ILRUN: variants seen among roughly 807,000 people sequenced by gnomAD.
The protein encoded by ILRUN is inflammation and lipid regulator with UBA-like and NBR1-like domains.
Under a neutral mutation model 33.8 loss-of-function variants are expected in ILRUN, and 3 were observed. The ratio of observed to expected loss-of-function variants is 0.09; its 90% CI spans 0.04 to 0.23. The LOEUF is 0.23. Ranked by LOEUF, ILRUN falls within the 10% of genes least tolerant of loss-of-function variation. ILRUN has a pLI of 1.00. For synonymous variants in ILRUN, 124 were observed against 138.9 expected, an observed-to-expected ratio of 0.89 and a Z score of 0.75; for missense variants, 210 against 375.1, an observed-to-expected ratio of 0.56 and a Z score of 3.64.
intron 4 of ILRUN, among the ~76,000 whole-genome samples, chr6:34,594,673 G>C (rs181315150): frequency 2.6e-5 from 4 of 152,302 alleles, no homozygotes; most frequent in Non-Finnish European, 2.9e-5. Flanking sequence ...CCTGGCTAGA[G>C]AGCAGGCAAG....
chr6:34,635,338 T>C (rs1324591149), intron 3 of ILRUN, among the ~76,000 whole-genome samples: 4 of 152,024 alleles, frequency 2.6e-5, no homozygotes, highest in South Asian at 4.1e-4. Flanking sequence ...GAGACCACCC[T>C]GGGCAACATA....
chr6:34,589,798 T>G lies in ILRUN; in HGVS notation c.*767A>C, dbSNP rs751192784. On this transcript the variant is annotated 3_prime_UTR_variant, in exon 5 of 5. Transcript: ENST00000374023. ...AAGGACACCTCTCAGGCTTAGAAAA[T>G]CCCACGTCACCCGAGATCTATCCTC... The G allele has an allele frequency of 6.6e-6, 1 of 152,030 alleles. No homozygotes were observed. Among genetic ancestry groups the G allele is most frequent in the Non-Finnish European group, 1.5e-5 (1 of 68,010 alleles). The allele number at this position is 152,030 out of a possible 1,614,324, so 9.4% of individuals were successfully genotyped here.
At chr6:34,687,285 T>C (rs191451688) in intron 1 of ILRUN, among the ~76,000 whole-genome samples, 17 of 152,210 alleles carry the variant, frequency 1.1e-4, no homozygotes, top group African/African-American at 1.9e-4. Flanking sequence ...AAAGAAGATA[T>C]ACAAATGGCC....
In ILRUN at chr6:34,612,400, G is replaced by A. The variant is rs1302653181; in HGVS notation, c.512-5496C>T. Among the ~76,000 whole-genome samples, 11 of 152,178 alleles carry A rather than the reference G, an allele frequency of 7.2e-5. No individual in the cohort carries two copies. In the East Asian group the frequency reaches 2.1e-3, roughly 29 times the overall value. On this transcript the variant is annotated intron_variant, in intron 3 of 4. Transcript: ENST00000374023. ...ACTGTGCTTCAGCCTGGGCAACAGT[G>A]AGACCCTGTCTCAAAAAATAATAAT...
At chr6:34,663,583 A>ATCC (rs930816272) in intron 1 of ILRUN, among the ~76,000 whole-genome samples, 1 of 152,112 alleles carries the variant, frequency 6.6e-6, no homozygotes, top group African/African-American at 2.4e-5. Context: ...ACTCCAAGCA[A>ATCC]TCCTCCTGCC....
intron 3 of ILRUN, among the ~76,000 whole-genome samples, chr6:34,620,403 G>C (rs577075493): frequency 2.8e-4 from 42 of 152,298 alleles, no homozygotes; most frequent in African/African-American, 8.9e-4. Context: ...TGCCCTGTTG[G>C]AAGTTGGAGT....
rs754063749 is a variant in ILRUN at position 34,646,627 on chromosome 6, C to G, written c.485G>C (p.Cys162Ser). 31 of 1,613,964 alleles carry G rather than the reference C, an allele frequency of 1.9e-5. No individual in the cohort carries two copies. Among genetic ancestry groups the G allele is most frequent in the Admixed American group, 5.0e-5 (3 of 59,996 alleles). The change falls in exon 3 of 5, where the codon TGC becomes TCC. Residue 162 changes from cysteine to serine, a missense_variant. Physicochemically the swap from Cys to Ser is moderately radical, Grantham distance 112. Transcript: ENST00000374023. The surrounding 1 kb of genome is among the most constrained non-coding windows in gnomAD (Gnocchi z 4.9). The stretch of plus-strand genomic sequence containing the variant: ...TCCATAGTAGAGTCCTGTAGCAGTG[C>G]ACATCCGCCACTGTCCCTGATACAT... ...AGMYQGQWRM[C>S]TATGLYYGDV...
At chr6:34,653,194 A>G (rs1288933430) in intron 2 of ILRUN, among the ~76,000 whole-genome samples, 2 of 151,364 alleles carry the variant, frequency 1.3e-5, no homozygotes, top group Non-Finnish European at 2.9e-5. Context: ...ACACATAGAC[A>G]CTATTTTCAA....
Position 34,592,223 on chromosome 6 carries a change from G to A in ILRUN, c.862-1623C>T, listed in dbSNP as rs1030496703. ...CCAATACCAATGGGGCATCCACTAC[G>A]TGCCAGGTGCTGCAGTAGCACCTAA... On this transcript the variant is annotated intron_variant, in intron 4 of 4. Transcript: ENST00000374023. This position sits in a 1 kb window ranked among gnomAD's most constrained non-coding sequence, Gnocchi z 4.0. Among the ~76,000 whole-genome samples the A allele has an allele frequency of 3.3e-5, 5 of 152,246 alleles. No homozygotes were observed. The highest frequency in any genetic ancestry group is 5.9e-5 in the Non-Finnish European group (4 of 68,046).
chr6:34,655,613 T>C (rs1032726756), intron 1 of ILRUN, among the ~76,000 whole-genome samples: 2 of 152,204 alleles, frequency 1.3e-5, no homozygotes, highest in African/African-American at 4.8e-5. Context: ...AGTGGACTTT[T>C]GAGTTTGTTT....
chr6:34,679,966 G>C (rs1763325371), intron 1 of ILRUN, among the ~76,000 whole-genome samples: 1 of 152,240 alleles, frequency 6.6e-6, no homozygotes, highest in African/African-American at 2.4e-5. Context: ...TCATGGACCT[G>C]CTAACACCCT....
intron 2 of ILRUN, among the ~76,000 whole-genome samples, chr6:34,654,247 C>T (rs1762728135): frequency 6.6e-6 from 1 of 151,662 alleles, no homozygotes; most frequent in South Asian, 2.1e-4. Context: ...GATACACCTC[C>T]TCTAGCCTGC....
At chr6:34,606,468 C>CTTTA in intron 4 of ILRUN, 87 bp downstream of exon 4, 1 of 1,054,952 alleles carries the variant, frequency 9.5e-7, no homozygotes, top group South Asian at 1.6e-5. Flanking sequence ...TGGGGAGCGG[C>CTTTA]AGTCTAGGAT....
At chr6:34,647,864 A>T (rs958684418) in intron 2 of ILRUN, among the ~76,000 whole-genome samples, 11 of 151,848 alleles carry the variant, frequency 7.2e-5, no homozygotes, top group African/African-American at 2.7e-4. Context: ...CGCCTGGCCT[A>T]ATTTTTGCAT....
At chr6:34,670,189 A>C (rs886727079) in intron 1 of ILRUN, among the ~76,000 whole-genome samples, 3 of 152,178 alleles carry the variant, frequency 2.0e-5, no homozygotes, top group African/African-American at 7.2e-5. Context: ...CTGGGATTAC[A>C]GGCATAAGCA....
chr6:34,645,770 T>C (rs1434461791), intron 3 of ILRUN, among the ~76,000 whole-genome samples: 1 of 152,174 alleles, frequency 6.6e-6, no homozygotes, highest in Non-Finnish European at 1.5e-5. Context: ...TAGATATTAA[T>C]TTGAGCATCA....
At position 34,696,637 on chromosome 6, in the gene ILRUN, C is replaced by G. The variant is rs1763785176; in HGVS notation, c.-34G>C. On this transcript the variant is annotated 5_prime_UTR_variant, in exon 1 of 5. Transcript: ENST00000374023. ...CCGGACACCCGCTTCCCCGCCTCTTCACAACCAAGCCGCCGCCGCGCCGCC... is the reference window on the plus strand; with the variant it reads ...CCGGACACCCGCTTCCCCGCCTCTTGACAACCAAGCCGCCGCCGCGCCGCC... 6.3e-7 allele frequency: 1 copy of G among 1,581,374 alleles called. No homozygotes were observed. The highest frequency in any genetic ancestry group is 1.4e-5 in the African/African-American group (1 of 73,910).
chr6:34,636,238 C>G (rs1198979356), intron 3 of ILRUN, among the ~76,000 whole-genome samples: 2 of 151,952 alleles, frequency 1.3e-5, no homozygotes, highest in Non-Finnish European at 2.9e-5. Flanking sequence ...GAGTGAGACA[C>G]TCTATATCAA....
chr6:34,637,861 CTGCTGT>C (rs1278345038), intron 3 of ILRUN, among the ~76,000 whole-genome samples: 34 of 102,060 alleles, frequency 3.3e-4, no homozygotes, highest in Non-Finnish European at 4.3e-4. Context: ...GCTGCTGCTG[CTGCTGT>C]TGTTGTTGTT....
Sources: allele counts gnomAD v4.1 joint callset (sites outside exome capture counted in the v4.1 genomes callset), GRCh38; gene constraint gnomAD v4.1.1; non-coding constraint Gnocchi (gnomAD v3.1); transcripts MANE v1.5; gene names NCBI Gene and HGNC (gene_info 2026-07-23, HGNC 2026-07-21).